The following GXYLT2 variants were observed in gnomAD, a reference collection of about 807,000 sequenced individuals.
GXYLT2 encodes glycosyltransferase 8 domain containing 4.
GXYLT2 carries 53 observed loss-of-function variants against 45.8 expected under a neutral mutation model. That is an observed-to-expected ratio of 1.16 (90% CI 0.93 to 1.46). The LOEUF is 1.46. Ranked by LOEUF, GXYLT2 falls within the 40% of genes most tolerant of loss-of-function variation. GXYLT2 has a pLI of 0.00. For missense variants in GXYLT2, 551 were observed against 544.4 expected, an observed-to-expected ratio of 1.01 and a Z score of -0.12; for synonymous variants, 219 against 214.2, an observed-to-expected ratio of 1.02 and a Z score of -0.19.
intron 3 of GXYLT2, among the ~76,000 whole-genome samples, chr3:72,931,243 T>C (rs1710028234): frequency 6.6e-6 from 1 of 152,010 alleles, no homozygotes; most frequent in Admixed American, 6.6e-5. Flanking sequence ...TCTATTTTTT[T>C]TTTGAGACGG....
At chr3:72,960,133 T>C (rs6789919) in intron 5 of GXYLT2, among the ~76,000 whole-genome samples, 111,456 of 152,046 alleles carry the variant, frequency 0.73, 41,330 homozygotes, top group East Asian at 0.93. Context: ...TTTTGTATTA[T>C]AGGCATCCGC....
intron 1 of GXYLT2, among the ~76,000 whole-genome samples, chr3:72,895,265 G>A (rs1322436886): frequency 6.6e-6 from 1 of 152,116 alleles, no homozygotes; most frequent in African/African-American, 2.4e-5. Context: ...TGGGCTGGTG[G>A]CGGGGTTGGG....
chr3:72,912,011 ATATT>A (rs1559731101), intron 2 of GXYLT2, among the ~76,000 whole-genome samples: 1 of 115,574 alleles, frequency 8.7e-6, no homozygotes, highest in Non-Finnish European at 1.7e-5. Context: ...ATATATATAT[ATATT>A]TTTTTTTTTT....
chr3:72,905,437 T>TA (rs1435817383), intron 1 of GXYLT2, among the ~76,000 whole-genome samples: 2 of 152,210 alleles, frequency 1.3e-5, no homozygotes, highest in African/African-American at 4.8e-5. Flanking sequence ...TCTTTGGCCT[T>TA]ACGTTGGTAC....
At chr3:72,949,517 T>C (rs1710475862) in intron 3 of GXYLT2, among the ~76,000 whole-genome samples, 4 of 128,210 alleles carry the variant, frequency 3.1e-5, no homozygotes, top group African/African-American at 1.2e-4. Flanking sequence ...TTTTTTTTTT[T>C]TTTTTTTTTT....
chr3:72,915,264 C>A (rs1709713314), intron 2 of GXYLT2, among the ~76,000 whole-genome samples: 1 of 144,126 alleles, frequency 6.9e-6, no homozygotes. Context: ...GAAAAAAAAG[C>A]ACCAAAGGGC....
At chr3:72,944,930 G>C (rs937989642) in intron 3 of GXYLT2, among the ~76,000 whole-genome samples, 1 of 152,112 alleles carries the variant, frequency 6.6e-6, no homozygotes, top group African/African-American at 2.4e-5. Flanking sequence ...AGCAAAAGCA[G>C]GATATTCCCG....
intron 3 of GXYLT2, among the ~76,000 whole-genome samples, chr3:72,938,510 C>T (rs1710233011): frequency 6.6e-6 from 1 of 152,228 alleles, no homozygotes. Flanking sequence ...TTCAGCAACA[C>T]ATTCTCTGGG....
intron 2 of GXYLT2, among the ~76,000 whole-genome samples, chr3:72,911,832 A>C (rs910938345): frequency 6.6e-6 from 1 of 151,460 alleles, no homozygotes. Flanking sequence ...CAGTGACACA[A>C]TCATAGCTTA....
intron 5 of GXYLT2, among the ~76,000 whole-genome samples, chr3:72,957,882 A>G (rs1453538957): frequency 6.6e-6 from 1 of 152,194 alleles, no homozygotes; most frequent in African/African-American, 2.4e-5. Flanking sequence ...AGAGGGAAAA[A>G]GGGAGATGAA....
At chr3:72,894,686 G>GT (rs1709249405) in intron 1 of GXYLT2, among the ~76,000 whole-genome samples, 1 of 152,228 alleles carries the variant, frequency 6.6e-6, no homozygotes, top group Non-Finnish European at 1.5e-5. Context: ...GTCCTGCCCC[G>GT]TGGAACACGG....
intron 1 of GXYLT2, 23 bp downstream of exon 1, chr3:72,888,531 T>C: frequency 8.3e-7 from 1 of 1,203,144 alleles, no homozygotes; most frequent in Non-Finnish European, 1.0e-6. Flanking sequence ...AACCCCAGAA[T>C]CCCATCTGCG....
At chr3:72,943,478 G>A (rs558077489) in intron 3 of GXYLT2, among the ~76,000 whole-genome samples, 1 of 151,370 alleles carries the variant, frequency 6.6e-6, no homozygotes, top group South Asian at 2.1e-4. Context: ...CTGAGCTCAA[G>A]TGATCCTCCC....
chr3:72,897,969 T>C (rs1446376088), intron 1 of GXYLT2, among the ~76,000 whole-genome samples: 1 of 152,202 alleles, frequency 6.6e-6, no homozygotes, highest in Non-Finnish European at 1.5e-5. Context: ...CTACTTCAAG[T>C]TTAAAAGTTT....
At chr3:72,895,694 AT>A (rs1709274946) in intron 1 of GXYLT2, among the ~76,000 whole-genome samples, 1 of 152,248 alleles carries the variant, frequency 6.6e-6, no homozygotes, top group Non-Finnish European at 1.5e-5. Context: ...TCATTTATTC[AT>A]TTTATGTTTC....
intron 2 of GXYLT2, among the ~76,000 whole-genome samples, chr3:72,913,903 T>G (rs1709682091): frequency 1.3e-5 from 2 of 152,098 alleles, no homozygotes; most frequent in African/African-American, 4.8e-5. Flanking sequence ...CCAAATCAGA[T>G]AAAGAATTTT....
intron 1 of GXYLT2, among the ~76,000 whole-genome samples, chr3:72,896,685 C>T (rs1417562954): frequency 2.0e-5 from 3 of 151,916 alleles, no homozygotes; most frequent in Non-Finnish European, 4.4e-5. Context: ...CTGGTCTCTA[C>T]CAAAAATACA....
In GXYLT2 at chr3:72,937,140, C is replaced by T. The variant is rs1236412169; in HGVS notation, c.600+14805C>T. Among the ~76,000 whole-genome samples, 4 of 152,156 alleles carry T rather than the reference C, an allele frequency of 2.6e-5. No homozygotes were observed. The East Asian group carries it at 7.7e-4, about 29-fold the overall frequency. On this transcript the variant is annotated intron_variant, in intron 3 of 6. Coordinates refer to ENST00000389617, the MANE Select transcript of GXYLT2 (RefSeq NM_001080393.2). ...TTAACTATTTGACTATTCTGAGTTTCCCCTAATTGCGAGGAATAACCCACC... is the reference window on the plus strand; with the variant it reads ...TTAACTATTTGACTATTCTGAGTTTTCCCTAATTGCGAGGAATAACCCACC...
rs71126805 is a variant in GXYLT2, at chr3:72,915,354, T to TTTTGGG, written c.468+6795_468+6796insTTTGGG. Among the ~76,000 whole-genome samples the TTTTGGG allele has an allele frequency of 1.8e-4, 6 of 33,480 alleles. 2 individuals are homozygous for TTTTGGG. Among genetic ancestry groups the TTTTGGG allele is most frequent in the African/African-American group, 9.8e-4 (6 of 6,152 alleles). The allele number at this position is 33,480 out of a possible 152,430, so 22.0% of individuals were successfully genotyped here. On this transcript the variant is annotated intron_variant, in intron 2 of 6. Coordinates refer to ENST00000389617, the MANE Select transcript of GXYLT2 (RefSeq NM_001080393.2). ...ACCCATTTCCTTTTTTTTTTTTTTT[T>TTTTGGG]GCGGGGGGGGGGGGGATTTAGGAAA...
Sources: allele counts gnomAD v4.1 joint callset (sites outside exome capture counted in the v4.1 genomes callset), GRCh38; gene constraint gnomAD v4.1.1; transcripts MANE v1.5; gene names NCBI Gene and HGNC (gene_info 2026-07-23, HGNC 2026-07-21).